The following CHAF1A variants were observed in gnomAD, a reference collection of about 807,000 sequenced individuals.
The protein encoded by CHAF1A is CAF-1 subunit A.
CHAF1A carries 5 observed loss-of-function variants against 93.2 expected under a neutral mutation model. The observed-to-expected ratio is 0.05, with a 90% CI of 0.03 to 0.11. CHAF1A has a LOEUF of 0.11. Ranked by LOEUF, CHAF1A falls within the 10% of genes least tolerant of loss-of-function variation. The pLI is 1.00. For missense variants in CHAF1A, 1,102 were observed against 1,259.9 expected, an observed-to-expected ratio of 0.87 and a Z score of 1.90; for synonymous variants, 504 against 510.3, an observed-to-expected ratio of 0.99 and a Z score of 0.17.
In CHAF1A at chr19:4,438,031, A is replaced by G. The variant is rs180682794; in HGVS notation, c.2674-4214A>G. Among the ~76,000 whole-genome samples the G allele has an allele frequency of 4.3e-4, 65 of 152,164 alleles. 1 individual carries two copies. The highest frequency in any genetic ancestry group is 1.9e-3 in the East Asian group (10 of 5,160). On this transcript the variant is annotated intron_variant, in intron 13 of 14. Coordinates refer to ENST00000301280, the MANE Select transcript of CHAF1A (RefSeq NM_005483.3). ...GCTAGGATTACAGGCGTGAGACACC[A>G]CGCCCGGCATCTTTTCTTGTTGTTA...
intron 14 of CHAF1A, among the ~76,000 whole-genome samples, 158 bp downstream of exon 14, chr19:4,442,499 G>A (rs1041206115): frequency 1.3e-5 from 2 of 152,196 alleles, no homozygotes; most frequent in Non-Finnish European, 2.9e-5. Context: ...ATCCTCGGGC[G>A]GGCTGGGCCG....
At chr19:4,405,282 GAAAAT>G in intron 1 of CHAF1A, among the ~76,000 whole-genome samples, 1 of 152,128 alleles carries the variant, frequency 6.6e-6, no homozygotes. Context: ...ATGCCACAAA[GAAAAT>G]AAAACAAGAC....
At chr19:4,423,771 C>T (rs370663161) in intron 6 of CHAF1A, 35 bp from the exon 7 acceptor site, 1 of 1,601,096 alleles carries the variant, frequency 6.2e-7, no homozygotes, top group Non-Finnish European at 8.6e-7. Context: ...TCCTCTTCCT[C>T]TCCTCTTTCT....
chr19:4,437,584 C>T (rs1209204616), intron 13 of CHAF1A, among the ~76,000 whole-genome samples: 4 of 151,956 alleles, frequency 2.6e-5, no homozygotes, highest in Non-Finnish European at 4.4e-5. Context: ...TGAGCTCTAG[C>T]GATCCTCTCT....
chr19:4,403,552 C>A (rs1396828743), intron 1 of CHAF1A, among the ~76,000 whole-genome samples: 2 of 152,254 alleles, frequency 1.3e-5, no homozygotes, highest in Admixed American at 6.5e-5. Flanking sequence ...CTAGAATGGA[C>A]GCCAGTCCAG....
At position 4,427,926 on chromosome 19, in the gene CHAF1A, C is replaced by G. The variant is rs368639886; in HGVS notation, c.1378-738C>G. 4.0e-5 allele frequency among the ~76,000 whole-genome samples: 6 copies of G among 150,704 alleles called. No individual in the cohort carries two copies. The East Asian group carries it at 7.9e-4, about 20-fold the overall frequency. On this transcript the variant is annotated intron_variant, in intron 7 of 14. Transcript: ENST00000301280. Reference sequence around the variant, plus strand: ...TTTAGTAGAGACGGGGTTTCACCATCTTGGCCAGGCTGGTCTCGAACTCCT... The same window carrying G: ...TTTAGTAGAGACGGGGTTTCACCATGTTGGCCAGGCTGGTCTCGAACTCCT...
At chr19:4,435,876 C>T (rs1974274354) in intron 13 of CHAF1A, among the ~76,000 whole-genome samples, 1 of 152,140 alleles carries the variant, frequency 6.6e-6, no homozygotes, top group South Asian at 2.1e-4. Context: ...CAGTGGCTCA[C>T]GCCTATAATC....
Position 4,409,313 on chromosome 19 carries a change from C to A in CHAF1A, c.514C>A (p.Pro172Thr). ...CATTCAGAACGACAAGTTGGCATTT[C>A]CTGGAGAGACCCTTTCAGACATTCC... ...KAIQNDKLAF[P>T]GETLSDIPCK... Residue 172 changes from proline to threonine, a missense_variant, in exon 3 of 15, where the codon CCT (proline) becomes ACT (threonine). Transcript: ENST00000301280. The A allele has an allele frequency of 6.2e-7, 1 of 1,614,080 alleles. No individual in the cohort carries two copies. Among genetic ancestry groups the A allele is most frequent in the South Asian group, 1.1e-5 (1 of 91,072 alleles).
chr19:4,428,575 G>A (rs1376288808), intron 7 of CHAF1A, 89 bp from the exon 8 acceptor site: 1 of 1,170,612 alleles, frequency 8.5e-7, no homozygotes, highest in East Asian at 2.4e-5. Context: ...TAGCCTGGAT[G>A]AATCCCACCA....
At chr19:4,417,686 C>T (rs1261347186) in intron 3 of CHAF1A, among the ~76,000 whole-genome samples, 1 of 152,122 alleles carries the variant, frequency 6.6e-6, no homozygotes, top group Non-Finnish European at 1.5e-5. Context: ...GTCTCGAACT[C>T]CTGACCTCAG....
intron 7 of CHAF1A, among the ~76,000 whole-genome samples, chr19:4,426,014 C>T (rs1974074261): frequency 1.3e-5 from 2 of 151,924 alleles, no homozygotes; most frequent in Non-Finnish European, 2.9e-5. Flanking sequence ...CATTTTAGTT[C>T]TTCTATGACT....
At chr19:4,411,166 T>C (rs999009285) in intron 3 of CHAF1A, among the ~76,000 whole-genome samples, 6 of 152,288 alleles carry the variant, frequency 3.9e-5, no homozygotes, top group Admixed American at 3.9e-4. Flanking sequence ...GCAGGTACAG[T>C]AGACCACCTG....
intron 3 of CHAF1A, among the ~76,000 whole-genome samples, chr19:4,417,541 A>G (rs1314034286): frequency 6.8e-6 from 1 of 146,070 alleles, no homozygotes; most frequent in African/African-American, 2.5e-5. Flanking sequence ...GCTCACTGCA[A>G]CCTCCTTCTC....
chr19:4,442,785 G>A lies in CHAF1A; in HGVS notation c.2771-140G>A, dbSNP rs1435149017. ...CCTCTAGAAGAGGCACAACGCCCCA[G>A]CCTCTGCCTGTCCCCACTGTCAGGT... On this transcript the variant is annotated intron_variant, in intron 14 of 14. Transcript: ENST00000301280. 1.4e-5 allele frequency: 9 copies of A among 625,860 alleles called. No individual in the cohort carries two copies. In the East Asian group the frequency reaches 2.2e-4, roughly 16 times the overall value. 38.8% of individuals were successfully genotyped at this position (625,860 alleles called of 1,614,324 possible).
chr19:4,446,991 C>A, downstream of CHAF1A: 13 of 1,493,658 alleles, frequency 8.7e-6, no homozygotes, highest in Non-Finnish European at 1.2e-5. Flanking sequence ...CCACCCAGTC[C>A]AGGGGCCCGG....
At chr19:4,448,043 G>C, downstream of CHAF1A, 1 of 547,278 alleles carries the variant, frequency 1.8e-6, no homozygotes, top group Non-Finnish European at 3.3e-6. Context: ...GAGTGGGGTG[G>C]GACCCTGCCT....
At chr19:4,417,200 G>T (rs529392460) in intron 3 of CHAF1A, among the ~76,000 whole-genome samples, 2 of 151,618 alleles carry the variant, frequency 1.3e-5, no homozygotes, top group Non-Finnish European at 2.9e-5. Flanking sequence ...TGAACTCCTG[G>T]GCTCAAGTGA....
At chr19:4,432,235 A>G in intron 12 of CHAF1A, 28 bp downstream of exon 12, 1 of 1,571,572 alleles carries the variant, frequency 6.4e-7, no homozygotes, top group Non-Finnish European at 8.7e-7. Flanking sequence ...CAGGCCACCC[A>G]CCTGTTCCTG....
downstream of CHAF1A, chr19:4,447,843 G>A: frequency 3.5e-6 from 2 of 579,368 alleles, no homozygotes; most frequent in South Asian, 3.8e-5. Flanking sequence ...GAGCCCCACG[G>A]AACCCCTCAC....
Sources: gnomAD v4.1 joint callset for allele counts (sites outside exome capture counted in the v4.1 genomes callset) on GRCh38, gnomAD v4.1.1 for gene constraint, MANE v1.5 for transcripts, NCBI Gene and HGNC (gene_info 2026-07-23, HGNC 2026-07-21) for gene names.